TPCN1: variants seen among roughly 807,000 people sequenced by gnomAD.
The protein encoded by TPCN1 is two pore segment channel 1, also known as two pore channel protein 1.
Under a neutral mutation model 108.8 loss-of-function variants are expected in TPCN1, and 52 were observed. The ratio of observed to expected loss-of-function variants is 0.48; its 90% CI spans 0.38 to 0.60. TPCN1 has a LOEUF of 0.60. Ranked by LOEUF, TPCN1 falls within the 20% of genes least tolerant of loss-of-function variation. The pLI is 0.00. For synonymous variants in TPCN1, 446 were observed against 433.7 expected, an observed-to-expected ratio of 1.03 and a Z score of -0.35; for missense variants, 806 against 1,072.8, an observed-to-expected ratio of 0.75 and a Z score of 3.47.
intron 15 of TPCN1, among the ~76,000 whole-genome samples, chr12:113,281,967 C>G (rs1955900960): frequency 6.8e-6 from 1 of 146,174 alleles, no homozygotes. Flanking sequence ...GTCACCCAGG[C>G]TGTGGTGCAG....
Position 113,267,924 on chromosome 12 carries a change from A to G in TPCN1, c.496A>G (p.Thr166Ala), listed in dbSNP as rs761898209. The G allele has an allele frequency of 1.2e-6, 2 of 1,613,796 alleles. No individual in the cohort carries two copies. Among genetic ancestry groups the G allele is most frequent in the African/African-American group, 1.3e-5 (1 of 74,880 alleles). Residue 166 changes from threonine to alanine, a missense_variant, in exon 5 of 28, where the codon ACC (threonine) becomes GCC (alanine). Transcript: ENST00000335509. ...GAAGTTACGCTGGCTGGGCCTCCAC[A>G]CCTTCATCCGGCACAAGCGGACCAT... ...CMKLRWLGLH[T>A]FIRHKRTMVK...
intron 2 of TPCN1, chr12:113,244,665 G>C: frequency 1.0e-6 from 1 of 985,432 alleles, no homozygotes; most frequent in Non-Finnish European, 1.2e-6. Flanking sequence ...GGGGCTCTCA[G>C]TGACAACTGG....
chr12:113,294,679 C>T (rs987655829), intron 27 of TPCN1, among the ~76,000 whole-genome samples: 15 of 151,560 alleles, frequency 9.9e-5, no homozygotes, highest in Non-Finnish European at 2.1e-4. Flanking sequence ...TGCATGACCT[C>T]CCAATCTTTA....
At chr12:113,275,653 A>G (rs1285542486) in intron 10 of TPCN1, among the ~76,000 whole-genome samples, 3 of 150,082 alleles carry the variant, frequency 2.0e-5, no homozygotes, top group African/African-American at 7.4e-5. Context: ...GCTCACTACA[A>G]CCTCCGCCTC....
chr12:113,287,633 T>C (rs964584664), intron 19 of TPCN1, among the ~76,000 whole-genome samples: 1 of 152,164 alleles, frequency 6.6e-6, no homozygotes, highest in East Asian at 1.9e-4. Flanking sequence ...TGCAACCCCA[T>C]CCACGTCCGC....
intron 10 of TPCN1, among the ~76,000 whole-genome samples, chr12:113,274,767 G>A (rs986943116): frequency 3.3e-5 from 5 of 152,334 alleles, no homozygotes; most frequent in African/African-American, 7.2e-5. Flanking sequence ...GAGACTGAGG[G>A]TCAGAGTGAC....
At chr12:113,228,205 A>G (rs967121499) in intron 2 of TPCN1, among the ~76,000 whole-genome samples, 2 of 152,210 alleles carry the variant, frequency 1.3e-5, no homozygotes, top group Non-Finnish European at 2.9e-5. Context: ...TTGAGCAGAG[A>G]TTTGAACCCA....
At chr12:113,236,616 A>G (rs1432992061) in intron 2 of TPCN1, among the ~76,000 whole-genome samples, 1 of 151,774 alleles carries the variant, frequency 6.6e-6, no homozygotes, top group Non-Finnish European at 1.5e-5. Flanking sequence ...CCCTGTCTCA[A>G]AAAGAAAAAA....
rs61502765 is a variant in TPCN1, at chr12:113,268,541, G to T, written c.529-201G>T. ...GTCACACAGCCCTTCCATTCTTCTG[G>T]TGCCACACACCTGTGCCAGCACCTG... is the stretch of plus-strand genomic sequence containing the variant. On this transcript the variant is annotated intron_variant, in intron 5 of 27. Coordinates refer to ENST00000335509, the MANE Select transcript of TPCN1 (RefSeq NM_017901.6). This position sits in a 1 kb window ranked among gnomAD's most constrained non-coding sequence, Gnocchi z 7.3. Among the ~76,000 whole-genome samples, 4,948 of 152,228 alleles carry T rather than the reference G, an allele frequency of 0.033. 229 individuals carry two copies. Among genetic ancestry groups the T allele is most frequent in the East Asian group, 0.15 (773 of 5,176 alleles).
At chr12:113,264,615 G>A (rs1955178447) in intron 3 of TPCN1, among the ~76,000 whole-genome samples, 1 of 151,664 alleles carries the variant, frequency 6.6e-6, no homozygotes, top group Admixed American at 6.6e-5. Context: ...GGAGGCGGAG[G>A]TTGCAGTGAG....
At position 113,284,282 on chromosome 12, in the gene TPCN1, T is replaced by C. The variant is rs1955988396; in HGVS notation, c.1343-299T>C. Among the ~76,000 whole-genome samples, 1 of 152,232 alleles carries C rather than the reference T, an allele frequency of 6.6e-6. No individual in the cohort carries two copies. The highest frequency in any genetic ancestry group is 6.5e-5 in the Admixed American group (1 of 15,288). On this transcript the variant is annotated intron_variant, in intron 15 of 27. Coordinates refer to ENST00000335509, the MANE Select transcript of TPCN1 (RefSeq NM_017901.6). This position sits in a 1 kb window ranked among gnomAD's most constrained non-coding sequence, Gnocchi z 4.1. Reference sequence around the variant, plus strand: ...TTTCAATACTTGAATGCCTGGTATATTGTCCCTCTTTTACCTCAATTTGGA... The same window carrying C: ...TTTCAATACTTGAATGCCTGGTATACTGTCCCTCTTTTACCTCAATTTGGA...
At chr12:113,286,062 G>A (rs1956064987) in intron 18 of TPCN1, 101 bp downstream of exon 18, 2 of 1,089,242 alleles carry the variant, frequency 1.8e-6, no homozygotes, top group African/African-American at 1.5e-5. Context: ...TGGAATCGCA[G>A]AGGGAGGGTC....
In TPCN1 at chr12:113,269,878, G is replaced by C. The variant is rs778738394; in HGVS notation, c.748+33G>C. On this transcript the variant is annotated intron_variant, in intron 7 of 27. Coordinates refer to ENST00000335509, the MANE Select transcript of TPCN1 (RefSeq NM_017901.6). The surrounding 1 kb of genome is among the most constrained non-coding windows in gnomAD (Gnocchi z 5.0). ...CCCGCCTCTCAGGCCCAGGTGCGCT[G>C]GAAAAGCAAGTTCACGGTGGATGAA... 11 of 1,604,722 alleles carry C rather than the reference G, an allele frequency of 6.9e-6. No individual in the cohort carries two copies. The highest frequency in any genetic ancestry group is 9.4e-6 in the Non-Finnish European group (11 of 1,172,292).
rs1046709185 is a variant in TPCN1 at position 113,288,943 on chromosome 12, G to A, written c.1796+96G>A. 67 of 1,263,932 alleles carry A rather than the reference G, an allele frequency of 5.3e-5. No homozygotes were observed. In the Admixed American group the frequency reaches 5.3e-4, roughly 10 times the overall value. 78.3% of individuals were successfully genotyped at this position (1,263,932 alleles called of 1,614,324 possible). A position where few individuals can be genotyped will look rare whatever the true frequency, so the allele number is the denominator to read the frequency against. ...GTGTCCTTGTGGCCTTGGGGTCCTC[G>A]GGGATGTTCCTGTCTAAGCAACCAC... is the stretch of plus-strand genomic sequence containing the variant. On this transcript the variant is annotated intron_variant, in intron 21 of 27. Transcript: ENST00000335509. The surrounding 1 kb of genome is among the most constrained non-coding windows in gnomAD (Gnocchi z 4.8).
chr12:113,288,746 G>A lies in TPCN1; in HGVS notation c.1707-12G>A. Reference sequence around the variant, plus strand: ...GCCGGCCCCGCGTCACCCTGCCCCTGTCGCCCCACAGCCTGGGCCTCACCC... The same window carrying A: ...GCCGGCCCCGCGTCACCCTGCCCCTATCGCCCCACAGCCTGGGCCTCACCC... On this transcript the variant is annotated splice_polypyrimidine_tract_variant and intron_variant, in intron 20 of 27. Transcript: ENST00000335509. This position sits in a 1 kb window ranked among gnomAD's most constrained non-coding sequence, Gnocchi z 4.8. 1 of 1,611,424 alleles carries A rather than the reference G, an allele frequency of 6.2e-7. No homozygotes were observed. The highest frequency in any genetic ancestry group is 8.5e-7 in the Non-Finnish European group (1 of 1,179,968).
At position 113,288,146 on chromosome 12, in the gene TPCN1, G is replaced by A. The variant is rs1472299467; in HGVS notation, c.1635-17G>A. 6.2e-7 allele frequency: 1 copy of A among 1,608,704 alleles called. No individual in the cohort carries two copies. The highest frequency in any genetic ancestry group is 1.7e-5 in the Admixed American group (1 of 59,710). On this transcript the variant is annotated splice_polypyrimidine_tract_variant and intron_variant, in intron 19 of 27. Transcript: ENST00000335509. The surrounding 1 kb of genome is among the most constrained non-coding windows in gnomAD (Gnocchi z 4.8). ...GTGCACCTGTGTGTGGAGGTGACGGGTGTCCTCCTCGCTCAGGTTGTTTAA... is the reference window on the plus strand; with the variant it reads ...GTGCACCTGTGTGTGGAGGTGACGGATGTCCTCCTCGCTCAGGTTGTTTAA...
rs759202703 is a variant in TPCN1 at position 113,268,706 on chromosome 12, C to T, written c.529-36C>T. ...GGTATGCAGGATGACGGCTGGGCTGCAGGGGCTGACGGTGCTCCATGCCTG... is the reference window on the plus strand; with the variant it reads ...GGTATGCAGGATGACGGCTGGGCTGTAGGGGCTGACGGTGCTCCATGCCTG... On this transcript the variant is annotated intron_variant, in intron 5 of 27. Coordinates refer to ENST00000335509, the MANE Select transcript of TPCN1 (RefSeq NM_017901.6). This position sits in a 1 kb window ranked among gnomAD's most constrained non-coding sequence, Gnocchi z 7.3. 2 of 1,609,790 alleles carry T rather than the reference C, an allele frequency of 1.2e-6. No homozygotes were observed. The highest frequency in any genetic ancestry group is 1.7e-6 in the Non-Finnish European group (2 of 1,178,804).
rs776600301 is a variant in TPCN1, at chr12:113,241,793, T to TGTGTGTGTGTGTGTGTGC, written c.112+14830_112+14831insTGTGTGTGTGTGTGTGCG. Among the ~76,000 whole-genome samples, 840 of 150,494 alleles carry TGTGTGTGTGTGTGTGTGC rather than the reference T, an allele frequency of 5.6e-3. 13 individuals are homozygous for TGTGTGTGTGTGTGTGTGC. Among genetic ancestry groups the TGTGTGTGTGTGTGTGTGC allele is most frequent in the Middle Eastern group, 0.014 (4 of 294 alleles). The stretch of plus-strand genomic sequence containing the variant: ...GTGTGTGTGTGTGTGTGTGTGTGTG[T>TGTGTGTGTGTGTGTGTGC]GCGTGTGTGTGTATGAGACAGCAGG... On this transcript the variant is annotated intron_variant, in intron 2 of 27. Transcript: ENST00000335509.
In TPCN1 at chr12:113,288,731, C is replaced by T. The variant is rs745611311; in HGVS notation, c.1707-27C>T. 124 of 1,609,412 alleles carry T rather than the reference C, an allele frequency of 7.7e-5. No homozygotes were observed. Among genetic ancestry groups the T allele is most frequent in the Admixed American group, 5.7e-4 (34 of 59,986 alleles). On this transcript the variant is annotated intron_variant, in intron 20 of 27. Transcript: ENST00000335509. This position sits in a 1 kb window ranked among gnomAD's most constrained non-coding sequence, Gnocchi z 4.8. ...GAGCCGTTCCCTCCTGCCGGCCCCG[C>T]GTCACCCTGCCCCTGTCGCCCCACA... is the stretch of plus-strand genomic sequence containing the variant.
Sources: allele counts gnomAD v4.1 joint callset (sites outside exome capture counted in the v4.1 genomes callset), GRCh38; gene constraint gnomAD v4.1.1; non-coding constraint Gnocchi (gnomAD v3.1); transcripts MANE v1.5; gene names NCBI Gene and HGNC (gene_info 2026-07-23, HGNC 2026-07-21).